LMNA: variants seen among roughly 807,000 people sequenced by gnomAD.
The protein encoded by LMNA is lamin.
In LMNA, 20 loss-of-function variants were observed where a neutral mutation model predicts 70.4. The observed-to-expected ratio is 0.28, with a 90% CI of 0.20 to 0.41. The LOEUF is 0.41. LMNA is among the 10% of genes least tolerant of loss of function. The probability of loss-of-function intolerance (pLI) is 1.00; values close to 1 mark genes in which losing one functional copy is unlikely to be tolerated. For synonymous variants in LMNA, 339 were observed against 372.8 expected, an observed-to-expected ratio of 0.91 and a Z score of 1.04; for missense variants, 652 against 917.2, an observed-to-expected ratio of 0.71 and a Z score of 3.73.
intron 2 of LMNA, among the ~76,000 whole-genome samples, chr1:156,089,194 G>A (rs1558105907): frequency 6.6e-6 from 1 of 151,806 alleles, no homozygotes; most frequent in African/African-American, 2.4e-5. Flanking sequence ...CCAGGCTGGT[G>A]TCAAACTCCT....
chr1:156,106,120 G>A (rs1649335016), intron 3 of LMNA, among the ~76,000 whole-genome samples: 1 of 150,740 alleles, frequency 6.6e-6, no homozygotes, highest in Non-Finnish European at 1.5e-5. Flanking sequence ...GGGAGACACA[G>A]CGAGACTCCG....
At chr1:156,130,859 C>G in intron 2 of LMNA, 86 bp downstream of exon 2, 2 of 1,263,250 alleles carry the variant, frequency 1.6e-6, no homozygotes, top group Admixed American at 2.0e-5. Flanking sequence ...CCATGTGGTG[C>G]CTGGTCTGAC....
intron 1 of LMNA, among the ~76,000 whole-genome samples, chr1:156,117,805 A>G (rs1386038896): frequency 1.3e-5 from 2 of 151,656 alleles, no homozygotes; most frequent in East Asian, 3.9e-4. Context: ...CTTTATTTTT[A>G]TTATATTTTT....
At chr1:156,104,636 C>T (rs1649257689) in intron 3 of LMNA, among the ~76,000 whole-genome samples, 1 of 152,122 alleles carries the variant, frequency 6.6e-6, no homozygotes, top group Non-Finnish European at 1.5e-5. Flanking sequence ...TGAGTGAGGT[C>T]CCACCCCCTA....
chr1:156,118,302 A>G (rs1649974651), intron 1 of LMNA, among the ~76,000 whole-genome samples: 1 of 152,184 alleles, frequency 6.6e-6, no homozygotes, highest in Non-Finnish European at 1.5e-5. Context: ...ACTTTGATCG[A>G]GAAACAGATT....
Position 156,123,937 on chromosome 1 carries a change from T to C in LMNA, c.357-6680T>C, listed in dbSNP as rs141428900. 3.6e-3 allele frequency among the ~76,000 whole-genome samples: 551 copies of C among 152,272 alleles called. 4 individuals carry two copies. The highest frequency in any genetic ancestry group is 0.027 in the Middle Eastern group (8 of 294). ...TGTCAACAGGCTTCCTATCCCTCTC[T>C]CAGCACCAGTTCTCCCCACTTCAGC... On this transcript the variant is annotated intron_variant, in intron 1 of 11. Coordinates refer to ENST00000368300, the MANE Select transcript of LMNA (RefSeq NM_170707.4).
At position 156,134,370 on chromosome 1, in the gene LMNA, C is replaced by T. The variant is rs774343716; in HGVS notation, c.514-33C>T. Reference sequence around the variant, plus strand: ...CCTTCCAGTTCTTGTGTTCTGTGACCCCTTTTCCTCATCTCTGCCTGCTTC... The same window carrying T: ...CCTTCCAGTTCTTGTGTTCTGTGACTCCTTTTCCTCATCTCTGCCTGCTTC... On this transcript the variant is annotated intron_variant, in intron 2 of 11. Transcript: ENST00000368300. The surrounding 1 kb of genome is among the most constrained non-coding windows in gnomAD (Gnocchi z 5.3). 9.9e-6 allele frequency: 16 copies of T among 1,612,828 alleles called. No individual in the cohort carries two copies. The African/African-American group carries it at 1.3e-4, about 13-fold the overall frequency.
At chr1:156,095,762 A>G (rs1314423107) in intron 3 of LMNA, among the ~76,000 whole-genome samples, 1 of 152,164 alleles carries the variant, frequency 6.6e-6, no homozygotes, top group East Asian at 1.9e-4. Flanking sequence ...TTACCTCCCC[A>G]CACTTCTAAT....
chr1:156,120,398 T>C (rs1039399203), intron 1 of LMNA, among the ~76,000 whole-genome samples: 6 of 152,222 alleles, frequency 3.9e-5, no homozygotes, highest in African/African-American at 1.4e-4. Flanking sequence ...GGCTCACTTC[T>C]GCAGCCTGGA....
At position 156,103,473 on chromosome 1, in the gene LMNA, C is replaced by A. The variant is rs994727539; in HGVS notation, c.-206-11240C>A. 6.6e-6 allele frequency among the ~76,000 whole-genome samples: 1 copy of A among 152,110 alleles called. No individual in the cohort carries two copies. Among genetic ancestry groups the A allele is most frequent in the Non-Finnish European group, 1.5e-5 (1 of 68,014 alleles). ...GGTGCCAGGATCCCCATTTTGCATACAGTAGCTGAGGCTCAGCCAGGAAAA... is the reference window on the plus strand; with the variant it reads ...GGTGCCAGGATCCCCATTTTGCATAAAGTAGCTGAGGCTCAGCCAGGAAAA... On this transcript the variant is annotated intron_variant, in intron 3 of 12. Transcript: ENST00000368301. The surrounding 1 kb of genome is among the most constrained non-coding windows in gnomAD (Gnocchi z 4.7).
chr1:156,135,519 A>T lies in LMNA; in HGVS notation c.936+207A>T. The T allele has an allele frequency of 1.5e-6, 1 of 668,308 alleles. No homozygotes were observed. The highest frequency in any genetic ancestry group is 1.8e-5 in the South Asian group (1 of 55,542). 41.4% of individuals were successfully genotyped at this position (668,308 alleles called of 1,614,324 possible). On this transcript the variant is annotated intron_variant, in intron 5 of 11. Transcript: ENST00000368300. This position sits in a 1 kb window ranked among gnomAD's most constrained non-coding sequence, Gnocchi z 4.8. ...TTCTGTACACTCTTACCTCACCTTC[A>T]CTTCTCAGGGCTTTGGTTTTCCCAT... is the stretch of plus-strand genomic sequence containing the variant.
chr1:156,132,425 G>A (rs536831616), intron 2 of LMNA, among the ~76,000 whole-genome samples: 28 of 152,000 alleles, frequency 1.8e-4, no homozygotes, highest in Admixed American at 4.6e-4. Flanking sequence ...AGCCAAGATC[G>A]GGTCACAGCA....
In LMNA at chr1:156,114,901, G is replaced by T; in HGVS notation, c.-18G>T. 1 of 1,520,152 alleles carries T rather than the reference G, an allele frequency of 6.6e-7. No individual in the cohort carries two copies. Among genetic ancestry groups the T allele is most frequent in the Non-Finnish European group, 8.8e-7 (1 of 1,130,348 alleles). The allele number at this position is 1,520,152 out of a possible 1,614,324, so 94.2% of individuals were successfully genotyped here. On this transcript the variant is annotated 5_prime_UTR_variant, in exon 1 of 12. Transcript: ENST00000368300. ...CCGGGACCCCTGCCCCGCGGGCAGCGCTGCCAACCTGCCGGCCATGGAGAC... is the reference window on the plus strand; with the variant it reads ...CCGGGACCCCTGCCCCGCGGGCAGCTCTGCCAACCTGCCGGCCATGGAGAC...
intron 3 of LMNA, chr1:156,091,183 T>C (rs1004315105): frequency 1.3e-5 from 2 of 152,334 alleles, no homozygotes; most frequent in Non-Finnish European, 2.9e-5. Context: ...CCTGGCTTCA[T>C]GTCCAGCGCC....
At chr1:156,091,983 T>C (rs570063014) in intron 3 of LMNA, among the ~76,000 whole-genome samples, 2 of 152,028 alleles carry the variant, frequency 1.3e-5, no homozygotes, top group African/African-American at 4.8e-5. Context: ...AGTGGCATGA[T>C]TTTGGCTCAC....
chr1:156,103,152 T>C lies in LMNA; in HGVS notation c.-206-11561T>C, dbSNP rs1436721430. Among the ~76,000 whole-genome samples, 2 of 152,202 alleles carry C rather than the reference T, an allele frequency of 1.3e-5. No individual in the cohort carries two copies. The highest frequency in any genetic ancestry group is 4.8e-5 in the African/African-American group (2 of 41,456). On this transcript the variant is annotated intron_variant, in intron 3 of 12. Coordinates refer to the LMNA transcript ENST00000368301. This position sits in a 1 kb window ranked among gnomAD's most constrained non-coding sequence, Gnocchi z 4.7. Reference sequence around the variant, plus strand: ...GCTGCTCTGGCCAACCCTCCAACCCTGGAGAACCTCCATAGGCACCAGGAA... The same window carrying C: ...GCTGCTCTGGCCAACCCTCCAACCCCGGAGAACCTCCATAGGCACCAGGAA...
chr1:156,106,028 G>A (rs1649322571), intron 3 of LMNA, among the ~76,000 whole-genome samples: 1 of 152,130 alleles, frequency 6.6e-6, no homozygotes, highest in South Asian at 2.1e-4. Context: ...CCAGGTACTA[G>A]GGAGGCTGAG....
At chr1:156,119,329 G>C (rs1254657231) in intron 1 of LMNA, among the ~76,000 whole-genome samples, 1 of 152,154 alleles carries the variant, frequency 6.6e-6, no homozygotes, top group East Asian at 1.9e-4. Flanking sequence ...TGTTGGCCAG[G>C]ATGGTCTTGA....
At chr1:156,130,343 C>T (rs1265017530) in intron 1 of LMNA, among the ~76,000 whole-genome samples, 2 of 152,094 alleles carry the variant, frequency 1.3e-5, no homozygotes, top group African/African-American at 2.4e-5. Flanking sequence ...ATTCATATCA[C>T]GGGGTAGAGC....
Sources: gnomAD v4.1 joint callset for allele counts (sites outside exome capture counted in the v4.1 genomes callset) on GRCh38, gnomAD v4.1.1 for gene constraint, Gnocchi (gnomAD v3.1) non-coding constraint, MANE v1.5 for transcripts, NCBI Gene and HGNC (gene_info 2026-07-23, HGNC 2026-07-21) for gene names.